DNAH7: variants seen among roughly 807,000 people sequenced by gnomAD.
DNAH7 encodes dynein axonemal heavy chain 7, also known as axonemal beta dynein heavy chain 7.
DNAH7 carries 397 observed loss-of-function variants against 444.6 expected under a neutral mutation model. The observed-to-expected ratio is 0.89, with a 90% confidence interval of 0.82 to 0.97. DNAH7 has a LOEUF of 0.97. Ranked by LOEUF, DNAH7 falls within the 50% of genes least tolerant of loss-of-function variation. The probability of loss-of-function intolerance (pLI) is 0.00; values close to 1 mark genes in which losing one functional copy is unlikely to be tolerated. For missense variants in DNAH7, 4,902 were observed against 4,800.8 expected, an observed-to-expected ratio of 1.02 and a Z score of -0.62; for synonymous variants, 1,636 against 1,624.4, an observed-to-expected ratio of 1.01 and a Z score of -0.17.
chr2:195,897,551 CTA>C (rs1702392130), intron 29 of DNAH7, 114 bp downstream of exon 29: 2 of 466,338 alleles, frequency 4.3e-6, no homozygotes, highest in African/African-American at 2.0e-5. Context: ...ATGGAATTAT[CTA>C]TGTTTCTCTG....
At chr2:195,907,291 G>A (rs73040671) in intron 25 of DNAH7, among the ~76,000 whole-genome samples, 5,045 of 151,406 alleles carry the variant, frequency 0.033, 250 homozygotes, top group African/African-American at 0.12. Context: ...AGCCTTTCCT[G>A]CTTTTTATTT....
intron 51 of DNAH7, among the ~76,000 whole-genome samples, chr2:195,816,213 AT>A: frequency 6.6e-6 from 1 of 152,094 alleles, no homozygotes; most frequent in Non-Finnish European, 1.5e-5. Context: ...AAGGCTTGGG[AT>A]TTTTTTACCC....
At chr2:196,017,607 G>C (rs1258265945) in intron 9 of DNAH7, among the ~76,000 whole-genome samples, 1 of 152,048 alleles carries the variant, frequency 6.6e-6, no homozygotes, top group Non-Finnish European at 1.5e-5. Flanking sequence ...GAAAAAAATA[G>C]AGAATCCAGA....
intron 61 of DNAH7, among the ~76,000 whole-genome samples, chr2:195,756,605 C>T (rs1433955989): frequency 6.6e-6 from 1 of 152,034 alleles, no homozygotes; most frequent in Non-Finnish European, 1.5e-5. Context: ...CCTCGACCTT[C>T]TGGGCTCAAT....
Position 196,056,245 on chromosome 2 carries a change from G to C in DNAH7, c.78+1809C>G, listed in dbSNP as rs750408044. ...GGATTACCTGAGGTCAGGGGTTCGA[G>C]ACCAGCCTGGCCAACATGGTGAAAC... On this transcript the variant is annotated intron_variant, in intron 2 of 64. Coordinates refer to ENST00000312428, the MANE Select transcript of DNAH7 (RefSeq NM_018897.3). Among the ~76,000 whole-genome samples, 59 of 151,968 alleles carry C rather than the reference G, an allele frequency of 3.9e-4. 2 individuals carry two copies. Among genetic ancestry groups the C allele is most frequent in the Non-Finnish European group, 5.1e-4 (35 of 67,968 alleles).
At chr2:195,926,668 C>G in intron 21 of DNAH7, 102 bp from the exon 22 acceptor site, 2 of 1,069,806 alleles carry the variant, frequency 1.9e-6, no homozygotes, top group Non-Finnish European at 2.6e-6. Flanking sequence ...CAATTTTTTA[C>G]AACATTCTTA....
chr2:195,948,452 T>C (rs1023666667), intron 19 of DNAH7, among the ~76,000 whole-genome samples: 3 of 152,232 alleles, frequency 2.0e-5, no homozygotes, highest in African/African-American at 7.2e-5. Context: ...TTAATCCATC[T>C]TGAGTTAATT....
intron 49 of DNAH7, 125 bp from the exon 50 acceptor site, chr2:195,817,954 G>A (rs1697301489): frequency 1.6e-6 from 1 of 616,888 alleles, no homozygotes; most frequent in South Asian, 3.8e-5. Flanking sequence ...TTGTGAAGGT[G>A]TAATTTGTAG....
chr2:196,068,334 G>A, intron 1 of DNAH7: 1 of 333,654 alleles, frequency 3.0e-6, no homozygotes, highest in Non-Finnish European at 5.5e-6. Flanking sequence ...ATGGCTAGGA[G>A]TTGGCTTCGA....
chr2:195,953,193 C>A (rs998715841), intron 19 of DNAH7, among the ~76,000 whole-genome samples: 2 of 152,160 alleles, frequency 1.3e-5, no homozygotes, highest in Non-Finnish European at 2.9e-5. Context: ...TCAGGCCCCT[C>A]TGCTGCAGGT....
At chr2:196,001,001 G>T in intron 11 of DNAH7, 118 bp from the exon 12 acceptor site, 1 of 727,188 alleles carries the variant, frequency 1.4e-6, no homozygotes, top group Non-Finnish European at 2.0e-6. Context: ...GACCCAGACA[G>T]CTAAGCCAAG....
chr2:195,875,903 G>A, intron 37 of DNAH7, 60 bp from the exon 38 acceptor site: 1 of 1,477,932 alleles, frequency 6.8e-7, no homozygotes, highest in Non-Finnish European at 9.1e-7. Context: ...CAGTCCTATT[G>A]TGTAAACAAT....
rs1358031640 is a variant in DNAH7, at chr2:195,926,279, T to C, written c.3612+147A>G. 7 of 707,934 alleles carry C rather than the reference T, an allele frequency of 9.9e-6. No individual in the cohort carries two copies. In the East Asian group the frequency reaches 2.4e-4, roughly 24 times the overall value. 43.9% of individuals were successfully genotyped at this position (707,934 alleles called of 1,614,324 possible). ...CCTACATATTTGTTATGTGCAATTT[T>C]TATTTAAAAAATCTGTAATTTGGCT... On this transcript the variant is annotated intron_variant, in intron 22 of 64. Transcript: ENST00000312428.
intron 62 of DNAH7, 50 bp from the exon 63 acceptor site, chr2:195,754,564 T>C (rs1195777167): frequency 1.3e-6 from 2 of 1,550,272 alleles, no homozygotes; most frequent in African/African-American, 2.8e-5. Context: ...TCAACCTTTT[T>C]TTCTTTTTTT....
At chr2:195,951,778 G>A (rs1394319876) in intron 19 of DNAH7, among the ~76,000 whole-genome samples, 1 of 149,798 alleles carries the variant, frequency 6.7e-6, no homozygotes, top group Admixed American at 6.6e-5. Flanking sequence ...CTTTCCATTT[G>A]CTTGGTAAAT....
At position 196,026,764 on chromosome 2, in the gene DNAH7, G is replaced by A. The variant is rs929292295; in HGVS notation, c.663C>T (p.Ser221=). Residue 221 remains serine, a synonymous_variant, in exon 7 of 65, where the codon TCC becomes TCT. Coordinates refer to ENST00000312428, the MANE Select transcript of DNAH7 (RefSeq NM_018897.3). The part of the protein sequence containing the change: ...REDYLLSVRK[S]IVDFVLKDPR... ...CAAAGCATAATACCAATTTACCTATGGATTTCCTTACACTAAGAAGATAAT... is the reference window on the plus strand; with the variant it reads ...CAAAGCATAATACCAATTTACCTATAGATTTCCTTACACTAAGAAGATAAT... The A allele has an allele frequency of 1.2e-6, 2 of 1,602,092 alleles. No homozygotes were observed. The highest frequency in any genetic ancestry group is 2.7e-5 in the African/African-American group (2 of 74,554).
chr2:195,914,917 C>A (rs1203091175), intron 24 of DNAH7, among the ~76,000 whole-genome samples: 2 of 152,216 alleles, frequency 1.3e-5, no homozygotes, highest in African/African-American at 2.4e-5. Context: ...CCGCCTTGGT[C>A]TCCCAAAGTG....
intron 17 of DNAH7, among the ~76,000 whole-genome samples, chr2:195,962,193 T>A (rs570439653): frequency 1.3e-5 from 2 of 152,310 alleles, no homozygotes; most frequent in East Asian, 3.9e-4. Flanking sequence ...CCTCAGTTTT[T>A]AAAAAAATAT....
intron 55 of DNAH7, among the ~76,000 whole-genome samples, chr2:195,798,922 A>T (rs2106000734): frequency 6.6e-6 from 1 of 152,206 alleles, no homozygotes; most frequent in African/African-American, 2.4e-5. Context: ...CCCGTTAGAG[A>T]GTGGCAGAGG....
Sources: allele counts gnomAD v4.1 joint callset (sites outside exome capture counted in the v4.1 genomes callset), GRCh38; gene constraint gnomAD v4.1.1; transcripts MANE v1.5; gene names NCBI Gene and HGNC (gene_info 2026-07-23, HGNC 2026-07-21).